ADGRB3: variants seen among roughly 807,000 people sequenced by gnomAD.
ADGRB3 encodes adhesion G protein-coupled receptor B3, also known as brain-specific angiogenesis inhibitor 3.
Under a neutral mutation model 193.4 loss-of-function variants are expected in ADGRB3, and 37 were observed. That is an observed-to-expected ratio of 0.19 (90% CI 0.15 to 0.25). The LOEUF is 0.25. ADGRB3 is among the 10% of genes least tolerant of loss of function. The pLI is 1.00. For missense variants in ADGRB3, 1,637 were observed against 1,852.9 expected (o/e 0.88, Z 2.14); for synonymous variants, 690 against 644.2 (o/e 1.07, Z -1.08).
chr6:68,850,888 G>T (rs536054), intron 3 of ADGRB3, among the ~76,000 whole-genome samples: 72,100 of 151,666 alleles, frequency 0.48, 17,797 homozygotes, highest in East Asian at 0.6. Context: ...GTGGAATATT[G>T]ATCCTCAACT....
rs1212718096 is a variant in ADGRB3 at position 68,840,338 on chromosome 6, A to T, written c.758-90221A>T. 4.4e-5 allele frequency among the ~76,000 whole-genome samples: 6 copies of T among 137,690 alleles called. No individual in the cohort carries two copies. In the South Asian group the frequency reaches 1.4e-3, roughly 33 times the overall value. The allele number at this position is 137,690 out of a possible 152,430, so 90.3% of individuals were successfully genotyped here. On this transcript the variant is annotated intron_variant, in intron 3 of 31. Transcript: ENST00000370598. The stretch of plus-strand genomic sequence containing the variant: ...CAACTTAGATACTACATCAGGCCAC[A>T]GTGGGGCAGTGGAGTAAGGCACTGG...
At chr6:69,033,788 T>G (rs1770784708) in intron 13 of ADGRB3, among the ~76,000 whole-genome samples, 1 of 152,066 alleles carries the variant, frequency 6.6e-6, no homozygotes, top group Non-Finnish European at 1.5e-5. Context: ...GTGGCTTTTT[T>G]CAAAGTTACA....
At chr6:69,174,643 G>A (rs933089669) in intron 17 of ADGRB3, among the ~76,000 whole-genome samples, 21 of 152,154 alleles carry the variant, frequency 1.4e-4, no homozygotes, top group Admixed American at 7.2e-4. Context: ...TCAGATGATT[G>A]TTCTGTTTTA....
At chr6:68,753,064 A>G (rs1171785239) in intron 3 of ADGRB3, among the ~76,000 whole-genome samples, 2 of 152,194 alleles carry the variant, frequency 1.3e-5, no homozygotes, top group African/African-American at 2.4e-5. Flanking sequence ...ATAGGACACC[A>G]CATCATCAGC....
intron 3 of ADGRB3, among the ~76,000 whole-genome samples, chr6:68,735,824 A>G (rs1765859694): frequency 6.6e-6 from 1 of 152,128 alleles, no homozygotes; most frequent in Non-Finnish European, 1.5e-5. Context: ...TTTCTGTCTT[A>G]AAATAGATGA....
At chr6:68,979,639 T>C (rs1233711161) in intron 10 of ADGRB3, among the ~76,000 whole-genome samples, 1 of 151,460 alleles carries the variant, frequency 6.6e-6, no homozygotes, top group Non-Finnish European at 1.5e-5. Context: ...ATTTTTTGAA[T>C]TGTATACCAG....
intron 26 of ADGRB3, among the ~76,000 whole-genome samples, chr6:69,345,051 T>C (rs1212135679): frequency 6.6e-6 from 1 of 152,092 alleles, no homozygotes; most frequent in South Asian, 2.1e-4. Context: ...ACAATACTGA[T>C]GACATTTGAG....
intron 13 of ADGRB3, among the ~76,000 whole-genome samples, chr6:69,040,402 G>T (rs1323402834): frequency 1.2e-5 from 1 of 85,872 alleles, no homozygotes. Flanking sequence ...TTTCCTTCAC[G>T]CAGGTGACTC....
chr6:69,307,850 A>G (rs1768098899), intron 20 of ADGRB3, among the ~76,000 whole-genome samples: 1 of 151,406 alleles, frequency 6.6e-6, no homozygotes, highest in Admixed American at 6.6e-5. Flanking sequence ...ATGTGACTCC[A>G]TCTTTTCCAC....
At chr6:69,017,319 T>C (rs1482162785) in intron 12 of ADGRB3, among the ~76,000 whole-genome samples, 1 of 151,954 alleles carries the variant, frequency 6.6e-6, no homozygotes, top group Non-Finnish European at 1.5e-5. Flanking sequence ...TCTTTGCGAT[T>C]ACAAAGCAGC....
rs1765262549 is a variant in ADGRB3 at position 68,702,752 on chromosome 6, A to G, written c.757+63320A>G. ...AGACTCTACAGTCAGCCAAGATAAA[A>G]TAATCAATAAAAATCTTACGGTAAT... On this transcript the variant is annotated intron_variant, in intron 3 of 31. Coordinates refer to ENST00000370598, the MANE Select transcript of ADGRB3 (RefSeq NM_001704.3). Among the ~76,000 whole-genome samples the G allele has an allele frequency of 2.0e-5, 3 of 152,224 alleles. No individual in the cohort carries two copies. The South Asian group carries it at 6.2e-4, about 31-fold the overall frequency.
intron 3 of ADGRB3, among the ~76,000 whole-genome samples, chr6:68,744,021 A>T (rs1017830286): frequency 4.6e-5 from 7 of 152,194 alleles, no homozygotes; most frequent in Admixed American, 6.5e-5. Flanking sequence ...GTAGAGTATC[A>T]TACACTCATG....
At chr6:68,839,952 T>G (rs492954) in intron 3 of ADGRB3, among the ~76,000 whole-genome samples, 48,734 of 151,810 alleles carry the variant, frequency 0.32, 8,346 homozygotes, top group East Asian at 0.59. Flanking sequence ...GTCCTTTCCT[T>G]TTACAGTGGA....
At chr6:69,043,292 G>GAGAAAGAAAGAAAGAAAGAAAGAAAT (rs1486008350) in intron 13 of ADGRB3, among the ~76,000 whole-genome samples, 1 of 17,200 alleles carries the variant, frequency 5.8e-5, no homozygotes, top group Non-Finnish European at 1.5e-4. Flanking sequence ...AAGAAAGAGA[G>GAGAAAGAAAGAAAGAAAGAAAGAAAT]AAAGAAAGAA....
intron 3 of ADGRB3, among the ~76,000 whole-genome samples, chr6:68,828,714 A>C (rs936797691): frequency 3.3e-5 from 5 of 152,196 alleles, no homozygotes; most frequent in African/African-American, 7.2e-5. Context: ...ACACTAATTA[A>C]AACCTAGGAA....
At chr6:69,059,470 T>C (rs764164011) in intron 15 of ADGRB3, among the ~76,000 whole-genome samples, 8 of 152,174 alleles carry the variant, frequency 5.3e-5, no homozygotes, top group Non-Finnish European at 1.2e-4. Context: ...AATGTGAAGA[T>C]TAAGTTGGGT....
intron 16 of ADGRB3, among the ~76,000 whole-genome samples, chr6:69,064,446 C>A (rs375776871): frequency 6.6e-6 from 1 of 151,786 alleles, no homozygotes; most frequent in African/African-American, 2.4e-5. Flanking sequence ...ACCTTAAGAA[C>A]GTGTTTTAGT....
chr6:69,177,956 T>C (rs1383678018), intron 17 of ADGRB3, among the ~76,000 whole-genome samples: 1 of 152,162 alleles, frequency 6.6e-6, no homozygotes, highest in African/African-American at 2.4e-5. Flanking sequence ...TTAGCTCCAA[T>C]TGGTCAAGTG....
At position 68,819,499 on chromosome 6, in the gene ADGRB3, C is replaced by G. The variant is rs895010048; in HGVS notation, c.758-111060C>G. Among the ~76,000 whole-genome samples, 3 of 151,822 alleles carry G rather than the reference C, an allele frequency of 2.0e-5. No homozygotes were observed. The South Asian group carries it at 6.2e-4, about 32-fold the overall frequency. On this transcript the variant is annotated intron_variant, in intron 3 of 31. Transcript: ENST00000370598. Reference sequence around the variant, plus strand: ...TTCAAACTCCCTTGATTCATTCATTCCCATAAATTGAGTACGATTGATACC... The same window carrying G: ...TTCAAACTCCCTTGATTCATTCATTGCCATAAATTGAGTACGATTGATACC...
Sources: gnomAD v4.1 joint callset for allele counts (sites outside exome capture counted in the v4.1 genomes callset) on GRCh38, gnomAD v4.1.1 for gene constraint, MANE v1.5 for transcripts, NCBI Gene and HGNC (gene_info 2026-07-23, HGNC 2026-07-21) for gene names.